SDK1: variants seen among roughly 807,000 people sequenced by gnomAD.
The protein encoded by SDK1 is protein sidekick-1.
SDK1 carries 157 observed loss-of-function variants against 245.5 expected under a neutral mutation model. The observed-to-expected ratio is 0.64, with a 90% CI of 0.56 to 0.73. SDK1 has a LOEUF of 0.73. Among genes scored for constraint, SDK1 ranks in the 30% least tolerant of loss-of-function variants. The pLI is 0.00. For synonymous variants in SDK1, 1,647 were observed against 1,278.5 expected (o/e 1.29, Z -6.15); for missense variants, 3,583 against 3,002.3 (o/e 1.19, Z -4.52).
chr7:3,790,491 A>T (rs1429950329), intron 4 of SDK1, among the ~76,000 whole-genome samples: 1 of 152,130 alleles, frequency 6.6e-6, no homozygotes, highest in Non-Finnish European at 1.5e-5. Context: ...ACACAGAGGC[A>T]AATACCAGAT....
chr7:4,103,086 C>T (rs991412380), intron 22 of SDK1, among the ~76,000 whole-genome samples: 7 of 150,582 alleles, frequency 4.6e-5, no homozygotes, highest in Non-Finnish European at 1.0e-4. Flanking sequence ...CTGCAAGCTC[C>T]GCCTGCCGGG....
At chr7:3,710,538 G>A (rs762135173) in intron 4 of SDK1, among the ~76,000 whole-genome samples, 3 of 152,108 alleles carry the variant, frequency 2.0e-5, no homozygotes, top group Non-Finnish European at 4.4e-5. Context: ...TTTCATGCTT[G>A]ACAGTGTAGT....
At chr7:4,094,798 C>T (rs1279544003) in intron 22 of SDK1, among the ~76,000 whole-genome samples, 1 of 152,166 alleles carries the variant, frequency 6.6e-6, no homozygotes, top group African/African-American at 2.4e-5. Context: ...GACCTGACCT[C>T]TCCTATGGCT....
intron 4 of SDK1, among the ~76,000 whole-genome samples, chr7:3,672,521 G>C (rs1256915115): frequency 6.8e-6 from 1 of 147,708 alleles, no homozygotes; most frequent in Non-Finnish European, 1.5e-5. Context: ...ACCTAAATAA[G>C]TCCAAAAGCA....
At chr7:4,059,824 A>G (rs957750053) in intron 19 of SDK1, among the ~76,000 whole-genome samples, 2 of 152,126 alleles carry the variant, frequency 1.3e-5, no homozygotes, top group African/African-American at 2.4e-5. Flanking sequence ...ATTAAATAGC[A>G]TGCTCCTGAA....
chr7:3,953,331 C>T (rs115120313), intron 7 of SDK1, among the ~76,000 whole-genome samples: 6 of 152,294 alleles, frequency 3.9e-5, no homozygotes, highest in Non-Finnish European at 5.9e-5. Context: ...GCAAACCTGT[C>T]GGTCCCTCTG....
At chr7:3,458,609 C>T (rs931073303) in intron 1 of SDK1, among the ~76,000 whole-genome samples, 2 of 151,966 alleles carry the variant, frequency 1.3e-5, no homozygotes, top group African/African-American at 4.8e-5. Context: ...AGTATACAAC[C>T]TACCTGGAAT....
intron 4 of SDK1, among the ~76,000 whole-genome samples, chr7:3,690,629 C>T (rs1280767566): frequency 6.6e-6 from 1 of 152,098 alleles, no homozygotes; most frequent in Non-Finnish European, 1.5e-5. Context: ...GATAAGTCAC[C>T]AGGAAGACAT....
At chr7:3,394,323 A>G (rs1781837654) in intron 1 of SDK1, among the ~76,000 whole-genome samples, 1 of 152,098 alleles carries the variant, frequency 6.6e-6, no homozygotes, top group South Asian at 2.1e-4. Flanking sequence ...TTGCCTTGGC[A>G]TGTTTGTTAA....
intron 1 of SDK1, among the ~76,000 whole-genome samples, chr7:3,361,690 C>T (rs1019437427): frequency 6.6e-6 from 1 of 152,152 alleles, no homozygotes; most frequent in Non-Finnish European, 1.5e-5. Flanking sequence ...GAACTATTGG[C>T]TTAGAAATCA....
intron 22 of SDK1, among the ~76,000 whole-genome samples, chr7:4,081,660 C>T (rs943879925): frequency 6.6e-6 from 1 of 152,074 alleles, no homozygotes; most frequent in African/African-American, 2.4e-5. Flanking sequence ...CCTCGTGATC[C>T]GCCTGCCTCG....
At chr7:3,662,936 G>T (rs1480352180) in intron 4 of SDK1, among the ~76,000 whole-genome samples, 3 of 152,120 alleles carry the variant, frequency 2.0e-5, no homozygotes, top group Admixed American at 2.0e-4. Context: ...AGCACTTATG[G>T]TTCCAAGCAT....
chr7:3,943,113 T>C (rs901959794), intron 5 of SDK1, among the ~76,000 whole-genome samples: 2 of 152,204 alleles, frequency 1.3e-5, no homozygotes, highest in Non-Finnish European at 2.9e-5. Context: ...GTGGTTTTAA[T>C]AGAGTAAACC....
At chr7:3,553,425 A>T (rs558543411) in intron 1 of SDK1, among the ~76,000 whole-genome samples, 2 of 152,256 alleles carry the variant, frequency 1.3e-5, no homozygotes, top group African/African-American at 4.8e-5. Flanking sequence ...CAGAAGGAGA[A>T]CTCTAAAACT....
intron 28 of SDK1, among the ~76,000 whole-genome samples, chr7:4,133,967 A>G (rs2128200698): frequency 6.6e-6 from 1 of 152,312 alleles, no homozygotes; most frequent in South Asian, 2.1e-4. Flanking sequence ...AAAGAGTTTC[A>G]CATCACTAAA....
chr7:3,330,816 A>G (rs1780049213), intron 1 of SDK1, among the ~76,000 whole-genome samples: 1 of 150,904 alleles, frequency 6.6e-6, no homozygotes, highest in African/African-American at 2.4e-5. Flanking sequence ...TTAAAAAAAA[A>G]AAAAAAAAAA....
chr7:3,968,362 A>C (rs947347462), intron 10 of SDK1, among the ~76,000 whole-genome samples: 2 of 152,192 alleles, frequency 1.3e-5, no homozygotes, highest in Non-Finnish European at 2.9e-5. Context: ...GTTGATTCAC[A>C]TGGATGAGCT....
chr7:3,308,185 A>G (rs1264121417), intron 1 of SDK1, among the ~76,000 whole-genome samples: 1 of 152,156 alleles, frequency 6.6e-6, no homozygotes, highest in Non-Finnish European at 1.5e-5. Context: ...AAATTTTCTT[A>G]AAATGTGAGA....
chr7:3,909,789 A>G (rs1779097092), intron 5 of SDK1, among the ~76,000 whole-genome samples: 1 of 152,212 alleles, frequency 6.6e-6, no homozygotes, highest in Non-Finnish European at 1.5e-5. Flanking sequence ...ATCTTTTTGC[A>G]TAGCGTGCTT....
Sources: allele counts gnomAD v4.1 joint callset (sites outside exome capture counted in the v4.1 genomes callset), GRCh38; gene constraint gnomAD v4.1.1; transcripts MANE v1.5; gene names NCBI Gene and HGNC (gene_info 2026-07-23, HGNC 2026-07-21).